Variants in LDB2 observed in about 807,000 individuals in gnomAD.
The protein encoded by LDB2 is LIM domain-binding protein 2.
LDB2 carries 12 observed loss-of-function variants against 44.3 expected under a neutral mutation model. That is an observed-to-expected ratio of 0.27 (90% CI 0.17 to 0.44). The LOEUF is 0.44. Ranked by LOEUF, LDB2 falls within the 20% of genes least tolerant of loss-of-function variation. LDB2 has a pLI of 1.00. For synonymous variants in LDB2, 164 were observed against 174.8 expected (o/e 0.94, Z 0.49); for missense variants, 344 against 473.5 (o/e 0.73, Z 2.54).
At chr4:16,769,975 G>A (rs553571317) in intron 1 of LDB2, among the ~76,000 whole-genome samples, 1 of 152,106 alleles carries the variant, frequency 6.6e-6, no homozygotes, top group African/African-American at 2.4e-5. Flanking sequence ...TCCCCCCAAA[G>A]ACCTGAGAAA....
At chr4:16,896,123 A>C (rs750602600) in intron 1 of LDB2, among the ~76,000 whole-genome samples, 13 of 152,196 alleles carry the variant, frequency 8.5e-5, no homozygotes, top group Non-Finnish European at 1.8e-4. Flanking sequence ...ACACACCAGA[A>C]AACAGTTCAT....
chr4:16,852,312 T>C (rs1561442734), intron 1 of LDB2, among the ~76,000 whole-genome samples: 1 of 152,176 alleles, frequency 6.6e-6, no homozygotes, highest in Non-Finnish European at 1.5e-5. Context: ...AGGAAGGAAA[T>C]GTTCCTTCTG....
intron 2 of LDB2, among the ~76,000 whole-genome samples, chr4:16,736,644 A>T (rs1170665299): frequency 6.6e-6 from 1 of 152,228 alleles, no homozygotes; most frequent in African/African-American, 2.4e-5. Context: ...TCTTGAACAC[A>T]AGATATCAAA....
In LDB2 at chr4:16,533,580, C is replaced by T. The variant is rs933815396; in HGVS notation, c.616-21476G>A. On this transcript the variant is annotated intron_variant, in intron 5 of 7. Transcript: ENST00000304523. The surrounding 1 kb of genome is among the most constrained non-coding windows in gnomAD (Gnocchi z 4.1). ...ACTCTGAACATGGTTTTATTTTTGT[C>T]TATAAAGCTGAGACTTCTCTCAAGA... Among the ~76,000 whole-genome samples the T allele has an allele frequency of 6.6e-6, 1 of 152,114 alleles. No homozygotes were observed. Among genetic ancestry groups the T allele is most frequent in the Non-Finnish European group, 1.5e-5 (1 of 68,022 alleles).
rs137861181 is a variant in LDB2 at position 16,740,060 on chromosome 4, C to A, written c.235+19098G>T. ...TTGAACATAAAATAAAGGAATCATA[C>A]AATCACATGGTACAATTAATATGAT... On this transcript the variant is annotated intron_variant, in intron 2 of 7. Coordinates refer to ENST00000304523, the MANE Select transcript of LDB2 (RefSeq NM_001290.5). Among the ~76,000 whole-genome samples, 649 of 151,866 alleles carry A rather than the reference C, an allele frequency of 4.3e-3. 4 individuals are homozygous for A. Among genetic ancestry groups the A allele is most frequent in the African/African-American group, 0.015 (605 of 41,426 alleles).
chr4:16,744,697 C>T (rs998386480), intron 2 of LDB2, among the ~76,000 whole-genome samples: 12 of 152,098 alleles, frequency 7.9e-5, no homozygotes, highest in African/African-American at 1.9e-4. Flanking sequence ...AGGATGGTCT[C>T]GATCTCCTAA....
chr4:16,671,164 T>G (rs1744665514), intron 2 of LDB2, among the ~76,000 whole-genome samples: 1 of 151,646 alleles, frequency 6.6e-6, no homozygotes. Flanking sequence ...TTTGTTTAAC[T>G]CCCTCTTAAA....
intron 2 of LDB2, among the ~76,000 whole-genome samples, chr4:16,702,342 C>A (rs1400740842): frequency 6.6e-6 from 1 of 152,124 alleles, no homozygotes; most frequent in Non-Finnish European, 1.5e-5. Context: ...TAAGAAGGAC[C>A]CATGAAATGA....
intron 1 of LDB2, among the ~76,000 whole-genome samples, chr4:16,880,545 G>T (rs1404837617): frequency 6.6e-6 from 1 of 152,102 alleles, no homozygotes; most frequent in Admixed American, 6.6e-5. Context: ...ATAGTTAGTT[G>T]CCTCTCCTAC....
chr4:16,709,497 T>C (rs1176733446), intron 2 of LDB2, among the ~76,000 whole-genome samples: 1 of 152,128 alleles, frequency 6.6e-6, no homozygotes, highest in Non-Finnish European at 1.5e-5. Flanking sequence ...CACACAAAGG[T>C]ACTCAATTAA....
At chr4:16,504,584 A>C (rs1420419716) in intron 7 of LDB2, among the ~76,000 whole-genome samples, 1 of 152,228 alleles carries the variant, frequency 6.6e-6, no homozygotes, top group African/African-American at 2.4e-5. Flanking sequence ...TGACAGTGAC[A>C]TGGAACGAGA....
At chr4:16,783,685 G>C (rs1773798930) in intron 1 of LDB2, among the ~76,000 whole-genome samples, 1 of 152,162 alleles carries the variant, frequency 6.6e-6, no homozygotes, top group Admixed American at 6.5e-5. Context: ...TGTTTTCTTT[G>C]CCCTTGGTTT....
chr4:16,752,561 G>C (rs1198003795), intron 2 of LDB2: 8 of 350,864 alleles, frequency 2.3e-5, no homozygotes, highest in Non-Finnish European at 4.4e-5. Context: ...ATTTGAAGTG[G>C]CTGTTGTCTC....
intron 1 of LDB2, among the ~76,000 whole-genome samples, chr4:16,773,737 CCTTT>C (rs1201195056): frequency 6.6e-6 from 1 of 151,974 alleles, no homozygotes; most frequent in African/African-American, 2.4e-5. Flanking sequence ...TTTTCATATT[CCTTT>C]CTTTTTTTAG....
intron 5 of LDB2, among the ~76,000 whole-genome samples, chr4:16,542,125 G>C (rs773966614): frequency 6.7e-6 from 1 of 149,930 alleles, no homozygotes; most frequent in Non-Finnish European, 1.5e-5. Flanking sequence ...CGAGCAGGAG[G>C]GCATAAGAAG....
intron 5 of LDB2, among the ~76,000 whole-genome samples, chr4:16,541,078 G>A (rs547015436): frequency 6.6e-5 from 10 of 152,310 alleles, no homozygotes; most frequent in African/African-American, 2.2e-4. Context: ...TCAGAGTTAT[G>A]TGGGGGCATG....
At chr4:16,847,822 T>G (rs1409484962) in intron 1 of LDB2, among the ~76,000 whole-genome samples, 1 of 152,218 alleles carries the variant, frequency 6.6e-6, no homozygotes, top group East Asian at 1.9e-4. Flanking sequence ...TTTACCATGT[T>G]AACCAGGATG....
intron 2 of LDB2, among the ~76,000 whole-genome samples, chr4:16,727,797 C>T (rs1161198596): frequency 6.6e-6 from 1 of 151,950 alleles, no homozygotes; most frequent in African/African-American, 2.4e-5. Flanking sequence ...CTTTGTTTTG[C>T]TTTTTTAAGA....
intron 2 of LDB2, among the ~76,000 whole-genome samples, chr4:16,720,090 G>T (rs1757930551): frequency 6.6e-6 from 1 of 152,042 alleles, no homozygotes; most frequent in Admixed American, 6.6e-5. Flanking sequence ...TAAAGTCCAT[G>T]GTGGAGCCTG....
Sources: allele counts gnomAD v4.1 joint callset (sites outside exome capture counted in the v4.1 genomes callset), GRCh38; gene constraint gnomAD v4.1.1; non-coding constraint Gnocchi (gnomAD v3.1); transcripts MANE v1.5; gene names NCBI Gene and HGNC (gene_info 2026-07-23, HGNC 2026-07-21).